GRID1: variants seen among roughly 807,000 people sequenced by gnomAD.
The protein encoded by GRID1 is glutamate receptor ionotropic, delta-1.
Under a neutral mutation model 98.0 loss-of-function variants are expected in GRID1, and 28 were observed. That is an observed-to-expected ratio of 0.29 (90% CI 0.21 to 0.39). The LOEUF (loss-of-function observed/expected upper bound fraction) is 0.39. Ranked by LOEUF, GRID1 falls within the 10% of genes least tolerant of loss-of-function variation. The pLI is 1.00. For synonymous variants in GRID1, 553 were observed against 538.5 expected (o/e 1.03, Z -0.37); for missense variants, 1,111 against 1,340.5 (o/e 0.83, Z 2.67).
intron 2 of GRID1, among the ~76,000 whole-genome samples, chr10:86,317,369 G>A (rs2132092556): frequency 6.6e-6 from 1 of 152,358 alleles, no homozygotes. Flanking sequence ...GTGAGTGGGT[G>A]TTCTGTGGAC....
chr10:86,171,443 G>C (rs1472771393), intron 3 of GRID1, among the ~76,000 whole-genome samples: 1 of 152,216 alleles, frequency 6.6e-6, no homozygotes, highest in African/African-American at 2.4e-5. Flanking sequence ...TGAAGAAAGA[G>C]AGATAAACTA....
intron 12 of GRID1, among the ~76,000 whole-genome samples, chr10:85,667,929 T>C (rs1389142604): frequency 6.6e-6 from 1 of 152,198 alleles, no homozygotes; most frequent in African/African-American, 2.4e-5. Context: ...GTGCTCTCCC[T>C]GGAGGGCACC....
At chr10:86,318,573 G>A (rs1179053061) in intron 2 of GRID1, among the ~76,000 whole-genome samples, 1 of 152,180 alleles carries the variant, frequency 6.6e-6, no homozygotes, top group Non-Finnish European at 1.5e-5. Context: ...GAGGACAAGA[G>A]AACCCACACA....
chr10:85,944,814 C>T (rs929990123), intron 4 of GRID1, among the ~76,000 whole-genome samples: 3 of 134,162 alleles, frequency 2.2e-5, no homozygotes, highest in Non-Finnish European at 5.1e-5. Context: ...ATGTGATTTA[C>T]TGTAGAGTTT....
At chr10:86,231,530 TTC>T (rs1423815814) in intron 2 of GRID1, among the ~76,000 whole-genome samples, 6 of 152,092 alleles carry the variant, frequency 3.9e-5, no homozygotes, top group Non-Finnish European at 4.4e-5. Context: ...CTGTCAACCA[TTC>T]TCTCTCTCCA....
chr10:86,066,245 T>C (rs958542412), intron 4 of GRID1, among the ~76,000 whole-genome samples: 2 of 152,094 alleles, frequency 1.3e-5, no homozygotes, highest in African/African-American at 4.8e-5. Context: ...TTCAGGGATG[T>C]TGCTCCACGG....
chr10:86,198,665 C>T (rs999139962), intron 3 of GRID1, among the ~76,000 whole-genome samples: 1 of 152,170 alleles, frequency 6.6e-6, no homozygotes. Flanking sequence ...CAATGTCACA[C>T]AGATATGGCA....
intron 4 of GRID1, among the ~76,000 whole-genome samples, chr10:86,067,667 G>A (rs1340723549): frequency 2.6e-5 from 4 of 152,188 alleles, no homozygotes; most frequent in Non-Finnish European, 5.9e-5. Context: ...AGGCCCCTGA[G>A]AACTGCAAAG....
chr10:86,290,365 C>G (rs1459618813), intron 2 of GRID1, among the ~76,000 whole-genome samples: 1 of 152,128 alleles, frequency 6.6e-6, no homozygotes, highest in African/African-American at 2.4e-5. Context: ...AAGATGTTCC[C>G]GGCCAGGTGC....
chr10:86,241,459 A>G (rs879350836), intron 2 of GRID1, among the ~76,000 whole-genome samples: 2 of 152,158 alleles, frequency 1.3e-5, no homozygotes, highest in South Asian at 4.1e-4. Context: ...CCCCTGCCAA[A>G]CGAGCACCAC....
At chr10:86,209,449 C>G (rs908937754) in intron 2 of GRID1, among the ~76,000 whole-genome samples, 1 of 152,114 alleles carries the variant, frequency 6.6e-6, no homozygotes, top group Admixed American at 6.6e-5. Context: ...GGCCACACAA[C>G]GAACACTGCC....
intron 4 of GRID1, among the ~76,000 whole-genome samples, chr10:86,091,458 T>C (rs976715212): frequency 6.6e-6 from 1 of 151,278 alleles, no homozygotes; most frequent in African/African-American, 2.4e-5. Flanking sequence ...CTCACCCCCA[T>C]CCCCCACAGC....
At chr10:86,245,984 GATCC>G (rs1846720221) in intron 2 of GRID1, among the ~76,000 whole-genome samples, 1 of 152,244 alleles carries the variant, frequency 6.6e-6, no homozygotes, top group African/African-American at 2.4e-5. Flanking sequence ...AACCCACCAT[GATCC>G]ATACAAAAAG....
chr10:85,835,754 T>C (rs930925702), intron 8 of GRID1, among the ~76,000 whole-genome samples: 2 of 152,210 alleles, frequency 1.3e-5, no homozygotes, highest in Non-Finnish European at 2.9e-5. Context: ...GTTCCACTGA[T>C]TATTCACAAA....
chr10:86,365,979 C>T lies in GRID1; in HGVS notation c.79+335G>A, dbSNP rs1278051770. ...CCCTGCCCCCCGCTGCTCTGAGCTG[C>T]GCAGAAGGGCCCTCCCGACCCGCCG... is the stretch of plus-strand genomic sequence containing the variant. On this transcript the variant is annotated intron_variant, in intron 1 of 15. Coordinates refer to ENST00000327946, the MANE Select transcript of GRID1 (RefSeq NM_017551.3). The surrounding 1 kb of genome is among the most constrained non-coding windows in gnomAD (Gnocchi z 4.8). Among the ~76,000 whole-genome samples, 3 of 152,068 alleles carry T rather than the reference C, an allele frequency of 2.0e-5. No homozygotes were observed. The highest frequency in any genetic ancestry group is 3.2e-3 in the Middle Eastern group (1 of 314).
At chr10:85,630,496 G>A (rs759279710) in intron 13 of GRID1, among the ~76,000 whole-genome samples, 8 of 152,186 alleles carry the variant, frequency 5.3e-5, no homozygotes, top group South Asian at 4.1e-4. Context: ...TAAATAGCAC[G>A]TGAAATTGTC....
At position 85,847,689 on chromosome 10, in the gene GRID1, A is replaced by G. The variant is rs561134896; in HGVS notation, c.1233+6807T>C. ...TCATGTCACAATTTATCCCAAATCC[A>G]TCCCAGTTAGATGGTAGATTTTGTT... On this transcript the variant is annotated intron_variant, in intron 8 of 15. Transcript: ENST00000327946. Among the ~76,000 whole-genome samples the G allele has an allele frequency of 5.4e-3, 818 of 152,188 alleles. 2 individuals carry two copies. The highest frequency in any genetic ancestry group is 8.7e-3 in the Non-Finnish European group (593 of 67,982).
In GRID1 at chr10:85,962,602, G is replaced by A. The variant is rs114195181; in HGVS notation, c.727-46363C>T. Among the ~76,000 whole-genome samples, 755 of 152,264 alleles carry A rather than the reference G, an allele frequency of 5.0e-3. 7 individuals carry two copies. Among genetic ancestry groups the A allele is most frequent in the African/African-American group, 0.017 (704 of 41,554 alleles). ...AAGGCACACTAACAGCTCCCAGTGG[G>A]GATCCTAGAATGCAAGATGGTGGCT... On this transcript the variant is annotated intron_variant, in intron 4 of 15. Coordinates refer to ENST00000327946, the MANE Select transcript of GRID1 (RefSeq NM_017551.3).
intron 2 of GRID1, among the ~76,000 whole-genome samples, chr10:86,274,596 G>C (rs551823340): frequency 1.2e-4 from 18 of 152,134 alleles, no homozygotes; most frequent in African/African-American, 3.4e-4. Context: ...TTGAGCAGTG[G>C]TTTGTAGTTC....
Sources: gnomAD v4.1 joint callset for allele counts (sites outside exome capture counted in the v4.1 genomes callset) on GRCh38, gnomAD v4.1.1 for gene constraint, Gnocchi (gnomAD v3.1) non-coding constraint, MANE v1.5 for transcripts, NCBI Gene and HGNC (gene_info 2026-07-23, HGNC 2026-07-21) for gene names.